FBXO31: variants seen among roughly 807,000 people sequenced by gnomAD.
FBXO31 encodes the protein F-box only protein 31.
A neutral mutation model predicts 54.4 loss-of-function variants in FBXO31; 24 were observed. That is an observed-to-expected ratio of 0.44 (90% CI 0.32 to 0.62). FBXO31 has a LOEUF of 0.62. Among genes scored for constraint, FBXO31 ranks in the 20% least tolerant of loss-of-function variants. FBXO31 has a pLI of 0.05. For synonymous variants in FBXO31, 388 were observed against 335.6 expected, an observed-to-expected ratio of 1.16 and a Z score of -1.71; for missense variants, 665 against 787.1, an observed-to-expected ratio of 0.84 and a Z score of 1.86.
chr16:87,349,662 A>T (rs1022383771), intron 2 of FBXO31, among the ~76,000 whole-genome samples: 6 of 151,974 alleles, frequency 3.9e-5, no homozygotes, highest in African/African-American at 1.5e-4. Context: ...GTGAGCCGAG[A>T]CCACGCCACT....
In FBXO31 at chr16:87,383,340, C is replaced by T; in HGVS notation, c.340+65G>A. The T allele has an allele frequency of 7.2e-7, 1 of 1,384,406 alleles. No individual in the cohort carries two copies. Among genetic ancestry groups the T allele is most frequent in the South Asian group, 1.3e-5 (1 of 75,482 alleles). 85.8% of individuals were successfully genotyped at this position (1,384,406 alleles called of 1,614,324 possible). On this transcript the variant is annotated intron_variant, in intron 1 of 8. Transcript: ENST00000311635. The surrounding 1 kb of genome is among the most constrained non-coding windows in gnomAD (Gnocchi z 4.9). ...GGGCCACCGCCCCCGCCACTCCCAG[C>T]TCCGAGGCCTCCACCTGGCAGGGAC...
intron 1 of FBXO31, among the ~76,000 whole-genome samples, chr16:87,380,776 G>C (rs957467696): frequency 2.0e-5 from 3 of 152,206 alleles, no homozygotes; most frequent in African/African-American, 7.2e-5. Context: ...CCGCAGCAGT[G>C]GGAAAGAAAG....
At chr16:87,365,807 C>T (rs1415486263) in intron 1 of FBXO31, among the ~76,000 whole-genome samples, 2 of 152,072 alleles carry the variant, frequency 1.3e-5, no homozygotes, top group Non-Finnish European at 2.9e-5. Context: ...CCAGGCAAAT[C>T]ACTTGAGGTC....
At chr16:87,359,054 T>A (rs1307262717) in intron 2 of FBXO31, among the ~76,000 whole-genome samples, 1 of 152,202 alleles carries the variant, frequency 6.6e-6, no homozygotes, top group African/African-American at 2.4e-5. Flanking sequence ...TTCTCCTGGA[T>A]AAGCCTTAAA....
rs964318423 is a variant in FBXO31 at position 87,383,283 on chromosome 16, G to C, written c.340+122C>G. The C allele has an allele frequency of 1.1e-5, 10 of 929,792 alleles. No homozygotes were observed. The highest frequency in any genetic ancestry group is 1.5e-5 in the Non-Finnish European group (10 of 659,008). The allele number at this position is 929,792 out of a possible 1,614,324, so 57.6% of individuals were successfully genotyped here. ...CCCACACCCAAAACACCACATCGCC[G>C]GGCCCCGCGCCCAACTGGTGGCCCC... On this transcript the variant is annotated intron_variant, in intron 1 of 8. Transcript: ENST00000311635. This position sits in a 1 kb window ranked among gnomAD's most constrained non-coding sequence, Gnocchi z 4.9.
intron 8 of FBXO31, 140 bp downstream of exon 8, chr16:87,333,746 C>T (rs949824363): frequency 2.4e-5 from 31 of 1,311,464 alleles, no homozygotes; most frequent in African/African-American, 6.0e-5. Context: ...GGTCAGAGGC[C>T]GCACTCCTGT....
intron 1 of FBXO31, among the ~76,000 whole-genome samples, chr16:87,366,861 A>C (rs1259824343): frequency 6.6e-6 from 1 of 152,164 alleles, no homozygotes; most frequent in Non-Finnish European, 1.5e-5. Flanking sequence ...GGCGACCTCC[A>C]AAATAGCAAT....
chr16:87,350,744 A>G (rs1178571699), intron 2 of FBXO31, among the ~76,000 whole-genome samples: 2 of 151,914 alleles, frequency 1.3e-5, no homozygotes, highest in Non-Finnish European at 1.5e-5. Flanking sequence ...ACTATTCAGC[A>G]TTGCACTCTC....
Position 87,336,818 on chromosome 16 carries a change from A to T in FBXO31, c.733-554T>A, listed in dbSNP as rs537467256. Among the ~76,000 whole-genome samples, 1 of 151,706 alleles carries T rather than the reference A, an allele frequency of 6.6e-6. No individual in the cohort carries two copies. The highest frequency in any genetic ancestry group is 1.9e-4 in the East Asian group (1 of 5,158). On this transcript the variant is annotated intron_variant, in intron 5 of 8. Coordinates refer to ENST00000311635, the MANE Select transcript of FBXO31 (RefSeq NM_024735.5). The surrounding 1 kb of genome is among the most constrained non-coding windows in gnomAD (Gnocchi z 6.5). ...AGGTATGTTAAGGCGGTTCCCAAAA[A>T]CTCCGCAGCCCCACCAGTCCGCCCT...
At chr16:87,371,266 A>G (rs1906591902) in intron 1 of FBXO31, among the ~76,000 whole-genome samples, 1 of 152,232 alleles carries the variant, frequency 6.6e-6, no homozygotes, top group Non-Finnish European at 1.5e-5. Context: ...CCATGTGGAC[A>G]GGAGACTTGA....
At chr16:87,365,037 A>ATATATATATATATATATCTATATATC (rs1489132121) in intron 1 of FBXO31, among the ~76,000 whole-genome samples, 1 of 106,892 alleles carries the variant, frequency 9.4e-6, no homozygotes, top group African/African-American at 3.5e-5. Flanking sequence ...ATATATATAT[A>ATATATATATATATATATCTATATATC]TATCAGGCAG....
At position 87,336,072 on chromosome 16, in the gene FBXO31, C is replaced by A; in HGVS notation, c.842+83G>T. The A allele has an allele frequency of 8.4e-7, 1 of 1,189,636 alleles. No individual in the cohort carries two copies. Among genetic ancestry groups the A allele is most frequent in the Non-Finnish European group, 1.2e-6 (1 of 817,802 alleles). 73.7% of individuals were successfully genotyped at this position (1,189,636 alleles called of 1,614,324 possible). On this transcript the variant is annotated intron_variant, in intron 6 of 8. Transcript: ENST00000311635. The surrounding 1 kb of genome is among the most constrained non-coding windows in gnomAD (Gnocchi z 6.5). Reference sequence around the variant, plus strand: ...GCACCCACTGAGACAAAGGACTATGCCCCAGCACCCACCGGGACAGGGCTG... The same window carrying A: ...GCACCCACTGAGACAAAGGACTATGACCCAGCACCCACCGGGACAGGGCTG...
chr16:87,333,677 C>T (rs1448835687), intron 8 of FBXO31, among the ~76,000 whole-genome samples: 2 of 152,168 alleles, frequency 1.3e-5, no homozygotes, highest in Admixed American at 6.5e-5. Flanking sequence ...ACAGGAGCCT[C>T]CAAGACGGGA....
chr16:87,329,524 T>C lies in FBXO31; in HGVS notation c.*1764A>G, dbSNP rs1904769071. The C allele has an allele frequency of 6.6e-6, 1 of 152,270 alleles. No individual in the cohort carries two copies. Among genetic ancestry groups the C allele is most frequent in the Non-Finnish European group, 1.5e-5 (1 of 68,074 alleles). The allele number at this position is 152,270 out of a possible 1,614,324, so 9.4% of individuals were successfully genotyped here. ...TGCCAGTCTACATGCCCAACAGTCC[T>C]CCAGGCTTCAAGGCCACAGTCACCG... is the stretch of plus-strand genomic sequence containing the variant. On this transcript the variant is annotated 3_prime_UTR_variant, in exon 9 of 9. Coordinates refer to ENST00000311635, the MANE Select transcript of FBXO31 (RefSeq NM_024735.5).
chr16:87,335,238 T>A lies in FBXO31; in HGVS notation c.996+66A>T. 1 of 1,602,070 alleles carries A rather than the reference T, an allele frequency of 6.2e-7. No individual in the cohort carries two copies. The highest frequency in any genetic ancestry group is 2.2e-5 in the East Asian group (1 of 44,838). Reference sequence around the variant, plus strand: ...GGGATCAGTGTCTGCCCAAGTTCCCTGACTCCACAGCCCACTTGGGCCAGG... The same window carrying A: ...GGGATCAGTGTCTGCCCAAGTTCCCAGACTCCACAGCCCACTTGGGCCAGG... On this transcript the variant is annotated intron_variant, in intron 7 of 8. Coordinates refer to ENST00000311635, the MANE Select transcript of FBXO31 (RefSeq NM_024735.5). This position sits in a 1 kb window ranked among gnomAD's most constrained non-coding sequence, Gnocchi z 5.7.
At chr16:87,387,067 G>A (rs1489255758), upstream of FBXO31, among the ~76,000 whole-genome samples, 1 of 152,124 alleles carries the variant, frequency 6.6e-6, no homozygotes, top group African/African-American at 2.4e-5. Context: ...GGGAGGCTGA[G>A]CAGGGAAGAT....
intron 4 of FBXO31, 117 bp downstream of exon 4, chr16:87,343,481 C>G: frequency 1.6e-6 from 2 of 1,284,308 alleles, no homozygotes; most frequent in Non-Finnish European, 2.1e-6. Flanking sequence ...GCCTCCCTCC[C>G]ACCCGCCGAT....
At chr16:87,362,836 C>T (rs577295271) in intron 1 of FBXO31, among the ~76,000 whole-genome samples, 6 of 152,214 alleles carry the variant, frequency 3.9e-5, no homozygotes, top group Non-Finnish European at 8.8e-5. Flanking sequence ...GGATTACAGG[C>T]GTGAGCCACT....
intron 1 of FBXO31, among the ~76,000 whole-genome samples, chr16:87,378,406 G>A (rs547817205): frequency 3.1e-4 from 47 of 152,276 alleles, no homozygotes; most frequent in East Asian, 2.7e-3. Context: ...TTTTTAAAGA[G>A]GAATCATTAA....
Sources: allele counts gnomAD v4.1 joint callset (sites outside exome capture counted in the v4.1 genomes callset), GRCh38; gene constraint gnomAD v4.1.1; non-coding constraint Gnocchi (gnomAD v3.1); transcripts MANE v1.5; gene names NCBI Gene and HGNC (gene_info 2026-07-23, HGNC 2026-07-21).